Variants in MYO6 observed in about 807,000 individuals in gnomAD.
The protein encoded by MYO6 is unconventional myosin-VI.
In MYO6, 74 loss-of-function variants were observed where a neutral mutation model predicts 178.7. That is an observed-to-expected ratio of 0.41 (90% CI 0.34 to 0.50). MYO6 has a LOEUF of 0.50. MYO6 is among the 20% of genes least tolerant of loss of function. The pLI is 0.09. For missense variants in MYO6, 1,330 were observed against 1,547.4 expected (o/e 0.86, Z 2.36); for synonymous variants, 477 against 504.6 (o/e 0.95, Z 0.73).
chr6:75,773,702 T>A (rs1238811698), intron 1 of MYO6, among the ~76,000 whole-genome samples: 1 of 152,154 alleles, frequency 6.6e-6, no homozygotes, highest in Non-Finnish European at 1.5e-5. Context: ...GTGGAGAAGT[T>A]CTGTGGGTGC....
chr6:75,861,446 A>G (rs1455180507), intron 15 of MYO6, among the ~76,000 whole-genome samples: 1 of 152,192 alleles, frequency 6.6e-6, no homozygotes, highest in African/African-American at 2.4e-5. Context: ...CAAGTTTGTC[A>G]GGGTTTGCCC....
chr6:75,911,191 A>T (rs960776564), intron 32 of MYO6, among the ~76,000 whole-genome samples: 2 of 152,046 alleles, frequency 1.3e-5, no homozygotes, highest in Non-Finnish European at 2.9e-5. Context: ...TATAGTTTAT[A>T]AAATAAAAAT....
chr6:75,762,504 C>G (rs1428038054), intron 1 of MYO6, among the ~76,000 whole-genome samples: 1 of 152,182 alleles, frequency 6.6e-6, no homozygotes, highest in African/African-American at 2.4e-5. Flanking sequence ...CTCTTTTAAA[C>G]ACTCAGAGCT....
chr6:75,860,156 A>G (rs1030443755), intron 14 of MYO6, among the ~76,000 whole-genome samples: 16 of 152,202 alleles, frequency 1.1e-4, no homozygotes, highest in Admixed American at 2.0e-4. Flanking sequence ...GAAATGTGCA[A>G]TCATTTTATT....
Position 75,908,585 on chromosome 6 carries a change from A to G in MYO6, c.3370A>G (p.Thr1124Ala), listed in dbSNP as rs1780525013. ...AWKSKNKKRN[T>A]ETEQRAPKSV... ...GAAATCTAAGAACAAGAAGAGAAAT[A>G]CTGAAACAGAGCAACGTGCTCCAAA... The change falls in exon 32 of 35, where the codon ACT (threonine) becomes GCT (alanine). Residue 1124 changes from threonine to alanine, a missense_variant. Physicochemically the swap from Thr to Ala is moderately conservative, Grantham distance 58. Around this residue, in one of 3 missense-constraint regions of MYO6, gnomAD observed 601 missense variants for 626.1 expected, o/e 0.96. Coordinates refer to ENST00000369977, the MANE Select transcript of MYO6 (RefSeq NM_004999.4). The G allele has an allele frequency of 1.2e-6, 2 of 1,613,662 alleles. No individual in the cohort carries two copies. The highest frequency in any genetic ancestry group is 1.7e-6 in the Non-Finnish European group (2 of 1,179,712).
intron 30 of MYO6, among the ~76,000 whole-genome samples, chr6:75,899,655 G>T (rs1300461411): frequency 6.7e-6 from 1 of 148,578 alleles, no homozygotes; most frequent in African/African-American, 2.5e-5. Context: ...AGCTAAAACA[G>T]ATTTTAATCA....
intron 1 of MYO6, among the ~76,000 whole-genome samples, chr6:75,786,035 C>A (rs982185818): frequency 6.6e-6 from 1 of 151,972 alleles, no homozygotes; most frequent in African/African-American, 2.4e-5. Context: ...CCTGCCTCAG[C>A]CTCCTGAGTA....
intron 1 of MYO6, among the ~76,000 whole-genome samples, chr6:75,795,411 C>A (rs778910146): frequency 2.0e-5 from 3 of 152,116 alleles, no homozygotes; most frequent in Non-Finnish European, 4.4e-5. Flanking sequence ...GTGTATGGAG[C>A]TTTGGATCAT....
chr6:75,907,794 ATGTGTGTG>A (rs71002774), intron 31 of MYO6, 86 bp downstream of exon 31: 5 of 750,492 alleles, frequency 6.7e-6, no homozygotes, highest in African/African-American at 1.7e-5. Flanking sequence ...GTGTGTGTGT[ATGTGTGTG>A]TGTGTGTGTG....
chr6:75,888,354 C>T (rs1043144459), intron 25 of MYO6, among the ~76,000 whole-genome samples: 8 of 151,982 alleles, frequency 5.3e-5, no homozygotes, highest in Non-Finnish European at 4.4e-5. Flanking sequence ...ATGGCTCACA[C>T]CTGTAATCCC....
chr6:75,861,026 C>G lies in MYO6; in HGVS notation c.1477C>G (p.Gln493Glu), dbSNP rs759114945. The G allele has an allele frequency of 3.8e-6, 6 of 1,592,546 alleles. No individual in the cohort carries two copies. Among genetic ancestry groups the G allele is most frequent in the East Asian group, 4.5e-5 (2 of 44,614 alleles). The change falls in exon 15 of 35, where the codon CAA (glutamine) becomes GAA (glutamate). Residue 493 changes from glutamine (Q) to glutamate (E), a missense_variant. Physicochemically the swap from Gln to Glu is conservative, Grantham distance 29. This residue lies in a region of MYO6 where 613 missense variants were observed against 816.8 expected (regional missense o/e 0.75). Transcript: ENST00000369977. ...ATTATGATTATTTCATTTTTAGGAA[C>G]AAGAACTCTATCAAAAAGAAGGTTT... ...FFNERILKEE[Q>E]ELYQKEGLGV...
intron 1 of MYO6, among the ~76,000 whole-genome samples, chr6:75,756,974 TA>T (rs543329554): frequency 0.03 from 806 of 26,580 alleles, 15 homozygotes; most frequent in Non-Finnish European, 0.065. Flanking sequence ...CACACATATA[TA>T]GTGTGTATAT....
At chr6:75,771,517 G>C (rs1379720615) in intron 1 of MYO6, among the ~76,000 whole-genome samples, 1 of 152,092 alleles carries the variant, frequency 6.6e-6, no homozygotes, top group Non-Finnish European at 1.5e-5. Context: ...TCTCTAAATA[G>C]AGTTTAGAGA....
intron 1 of MYO6, among the ~76,000 whole-genome samples, chr6:75,801,814 G>A (rs1333178920): frequency 1.3e-5 from 2 of 151,946 alleles, no homozygotes; most frequent in African/African-American, 2.4e-5. Flanking sequence ...GGTGGCAGGC[G>A]CCTGTAATCC....
chr6:75,780,910 T>A (rs758099871), intron 1 of MYO6, among the ~76,000 whole-genome samples: 8 of 151,666 alleles, frequency 5.3e-5, no homozygotes, highest in Non-Finnish European at 1.2e-4. Context: ...CAGGTTCAAG[T>A]GATTCTCCTG....
intron 1 of MYO6, among the ~76,000 whole-genome samples, chr6:75,804,856 ACATATATATGCG>A (rs1469858499): frequency 6.8e-6 from 1 of 146,940 alleles, no homozygotes; most frequent in African/African-American, 2.6e-5. Flanking sequence ...ATATATATAC[ACATATATATGCG>A]CATATATATA....
intron 25 of MYO6, 112 bp from the exon 26 acceptor site, chr6:75,889,945 A>C (rs532524214): frequency 9.4e-6 from 8 of 854,018 alleles, no homozygotes; most frequent in Non-Finnish European, 1.5e-5. Flanking sequence ...AAAACATTAA[A>C]ATTTATCTTA....
chr6:75,892,686 C>G lies in MYO6; in HGVS notation c.3103C>G (p.Arg1035Gly). The change falls in exon 28 of 35, where the codon CGG becomes GGG. Residue 1035 changes from arginine (R) to glycine (G), a missense_variant. Transcript: ENST00000369977. ...SDEAQADLALRRNDGTRPKMT... is the reference protein window; with the variant it reads ...SDEAQADLALGRNDGTRPKMT... ...TGAGGCCCAGGCCGACCTGGCGCTG[C>G]GGAGGTACTGGGGCCCCTGGGTGGG... 1 of 1,612,218 alleles carries G rather than the reference C, an allele frequency of 6.2e-7. No homozygotes were observed. The highest frequency in any genetic ancestry group is 8.5e-7 in the Non-Finnish European group (1 of 1,179,936).
intron 7 of MYO6, among the ~76,000 whole-genome samples, chr6:75,838,752 C>T (rs759550490): frequency 3.3e-5 from 5 of 151,286 alleles, no homozygotes; most frequent in Non-Finnish European, 5.9e-5. Flanking sequence ...ACCTCCATCT[C>T]CCGGGTTCAA....
Sources: gnomAD v4.1 joint callset for allele counts (sites outside exome capture counted in the v4.1 genomes callset) on GRCh38, gnomAD v4.1.1 for gene constraint, gnomAD v4.1.1 regional missense constraint, MANE v1.5 for transcripts, NCBI Gene and HGNC (gene_info 2026-07-23, HGNC 2026-07-21) for gene names.